Variants in AKAP6 observed in about 807,000 individuals in gnomAD.
AKAP6 encodes the protein A-kinase anchoring protein 6, also known as A-kinase anchor protein 6.
Under a neutral mutation model 188.5 loss-of-function variants are expected in AKAP6, and 58 were observed. The observed-to-expected ratio is 0.31, with a 90% confidence interval of 0.25 to 0.38. The LOEUF (loss-of-function observed/expected upper bound fraction) is 0.38. Ranked by LOEUF, AKAP6 falls within the 10% of genes least tolerant of loss-of-function variation. The pLI, the probability that AKAP6 is intolerant of heterozygous loss-of-function variation, is 1.00. For synonymous variants in AKAP6, 989 were observed against 998.6 expected, an observed-to-expected ratio of 0.99 and a Z score of 0.18; for missense variants, 2,710 against 2,740.0, an observed-to-expected ratio of 0.99 and a Z score of 0.24.
At chr14:32,737,484 C>T (rs1207820694) in intron 11 of AKAP6, among the ~76,000 whole-genome samples, 2 of 152,132 alleles carry the variant, frequency 1.3e-5, no homozygotes, top group African/African-American at 4.8e-5. Context: ...TAAGCATGTA[C>T]AGAGTAACAA....
At chr14:32,627,224 CT>C (rs1887060745) in intron 7 of AKAP6, among the ~76,000 whole-genome samples, 1 of 152,026 alleles carries the variant, frequency 6.6e-6, no homozygotes, top group Non-Finnish European at 1.5e-5. Flanking sequence ...TGCCTTTATT[CT>C]TTGAATAATC....
chr14:32,333,107 A>C (rs1465341231), intron 1 of AKAP6, among the ~76,000 whole-genome samples: 2 of 152,080 alleles, frequency 1.3e-5, no homozygotes, highest in African/African-American at 4.8e-5. Context: ...GAAGAAGTTA[A>C]CCTTTGTCCT....
Position 32,699,696 on chromosome 14 carries a change from C to T in AKAP6, c.3000+3586C>T, listed in dbSNP as rs577443963. Among the ~76,000 whole-genome samples, 5 of 152,290 alleles carry T rather than the reference C, an allele frequency of 3.3e-5. No homozygotes were observed. The Middle Eastern group carries it at 0.01, about 311-fold the overall frequency. On this transcript the variant is annotated intron_variant, in intron 9 of 13. Transcript: ENST00000280979. ...CCTTCTATATCTATTTTCTAATGAA[C>T]ATTGGCAATATCGTCAGCCTAGAAA...
intron 1 of AKAP6, among the ~76,000 whole-genome samples, chr14:32,349,681 A>G (rs1245544529): frequency 1.3e-5 from 2 of 152,212 alleles, no homozygotes; most frequent in African/African-American, 4.8e-5. Context: ...AGTGCTCGAT[A>G]TACACTAACT....
At chr14:32,580,231 T>A (rs1884902457) in intron 5 of AKAP6, among the ~76,000 whole-genome samples, 1 of 152,116 alleles carries the variant, frequency 6.6e-6, no homozygotes, top group Non-Finnish European at 1.5e-5. Flanking sequence ...ATTGCAATGA[T>A]ACATCAATGA....
At chr14:32,478,139 C>T (rs992651313) in intron 2 of AKAP6, among the ~76,000 whole-genome samples, 4 of 152,172 alleles carry the variant, frequency 2.6e-5, no homozygotes, top group African/African-American at 9.7e-5. Flanking sequence ...AGAGCAAAGG[C>T]ATGTGCTGAG....
chr14:32,759,453 C>A (rs1433900591), intron 11 of AKAP6, among the ~76,000 whole-genome samples: 4 of 152,046 alleles, frequency 2.6e-5, no homozygotes, highest in Non-Finnish European at 5.9e-5. Flanking sequence ...GTTTCAAGAC[C>A]CATTTACTCC....
At chr14:32,804,762 A>G (rs2034045459) in intron 12 of AKAP6, among the ~76,000 whole-genome samples, 1 of 152,120 alleles carries the variant, frequency 6.6e-6, no homozygotes, top group African/African-American at 2.4e-5. Flanking sequence ...ACCGTGTAAG[A>G]CAGACACTCC....
At chr14:32,796,914 A>C (rs528130700) in intron 12 of AKAP6, among the ~76,000 whole-genome samples, 8 of 152,222 alleles carry the variant, frequency 5.3e-5, no homozygotes, top group Non-Finnish European at 1.2e-4. Flanking sequence ...CAAAGGTCTA[A>C]TACCCTGAGT....
chr14:32,685,372 C>T (rs547089013), intron 8 of AKAP6, among the ~76,000 whole-genome samples: 1 of 152,144 alleles, frequency 6.6e-6, no homozygotes, highest in East Asian at 1.9e-4. Flanking sequence ...GTCAAGAAGG[C>T]TTAGTGGAGG....
At chr14:32,740,637 C>A (rs550503708) in intron 11 of AKAP6, among the ~76,000 whole-genome samples, 1 of 152,054 alleles carries the variant, frequency 6.6e-6, no homozygotes, top group African/African-American at 2.4e-5. Flanking sequence ...CTGTCTCTTC[C>A]ACAGTGTATG....
At chr14:32,611,922 A>T (rs567489121) in intron 7 of AKAP6, among the ~76,000 whole-genome samples, 6 of 152,166 alleles carry the variant, frequency 3.9e-5, no homozygotes, top group Non-Finnish European at 7.4e-5. Context: ...GGAAAGGAGG[A>T]TACATCTTCT....
chr14:32,626,031 G>T (rs1343316579), intron 7 of AKAP6, among the ~76,000 whole-genome samples: 1 of 152,062 alleles, frequency 6.6e-6, no homozygotes, highest in Non-Finnish European at 1.5e-5. Context: ...TTACAAATAC[G>T]TGGAAGCACT....
chr14:32,617,876 C>T (rs1886648834), intron 7 of AKAP6, among the ~76,000 whole-genome samples: 1 of 152,176 alleles, frequency 6.6e-6, no homozygotes, highest in Non-Finnish European at 1.5e-5. Context: ...ATCTGCCTGC[C>T]TCAGCCTCCC....
chr14:32,643,857 A>C (rs1447312022), intron 7 of AKAP6, among the ~76,000 whole-genome samples: 1 of 152,186 alleles, frequency 6.6e-6, no homozygotes, highest in Non-Finnish European at 1.5e-5. Flanking sequence ...AAGCCATCTG[A>C]GATAGAAATT....
chr14:32,393,357 G>A (rs1000350061), intron 1 of AKAP6, among the ~76,000 whole-genome samples: 5 of 152,040 alleles, frequency 3.3e-5, no homozygotes, highest in African/African-American at 4.8e-5. Flanking sequence ...TAACAGGCTG[G>A]TACACTTCAA....
intron 4 of AKAP6, 123 bp from the exon 5 acceptor site, chr14:32,576,997 A>T: frequency 9.5e-7 from 1 of 1,055,688 alleles, no homozygotes; most frequent in South Asian, 1.7e-5. Flanking sequence ...CTAGGATAGG[A>T]GTGCGGTGGG....
At chr14:32,416,725 T>C (rs775807422) in intron 1 of AKAP6, among the ~76,000 whole-genome samples, 18 of 152,096 alleles carry the variant, frequency 1.2e-4, no homozygotes, top group Non-Finnish European at 2.4e-4. Flanking sequence ...TGGCTAATTT[T>C]TGTATTTTTA....
At chr14:32,728,055 C>T (rs1421421523) in intron 9 of AKAP6, among the ~76,000 whole-genome samples, 1 of 152,146 alleles carries the variant, frequency 6.6e-6, no homozygotes, top group Non-Finnish European at 1.5e-5. Flanking sequence ...AGCTTGGACC[C>T]TGGACTTTTA....
Sources: allele counts gnomAD v4.1 joint callset (sites outside exome capture counted in the v4.1 genomes callset), GRCh38; gene constraint gnomAD v4.1.1; transcripts MANE v1.5; gene names NCBI Gene and HGNC (gene_info 2026-07-23, HGNC 2026-07-21).